The following MXRA8 variants were observed in gnomAD, a reference collection of about 807,000 sequenced individuals.
MXRA8 encodes matrix remodeling associated 8, also known as matrix remodeling-associated protein 8.
A neutral mutation model predicts 51.4 loss-of-function variants in MXRA8; 44 were observed. That is an observed-to-expected ratio of 0.86 (90% CI 0.67 to 1.10). The LOEUF (loss-of-function observed/expected upper bound fraction) is 1.10, where lower values mean the gene tolerates loss of function less well. Ranked by LOEUF, MXRA8 falls within the 50% of genes least tolerant of loss-of-function variation. The pLI, the probability that MXRA8 is intolerant of heterozygous loss-of-function variation, is 0.00. For missense variants in MXRA8, 765 were observed against 638.9 expected (o/e 1.20, Z -2.13); for synonymous variants, 369 against 293.5 (o/e 1.26, Z -2.63).
upstream of MXRA8, chr1:1,358,765 C>A (rs965371825): frequency 2.6e-5 from 33 of 1,255,264 alleles, no homozygotes; most frequent in Non-Finnish European, 3.2e-5. Context: ...GTGACCGCAC[C>A]CTTGGAGGGA....
chr1:1,361,645 G>A, upstream of MXRA8: 2 of 333,510 alleles, frequency 6.0e-6, no homozygotes, highest in Non-Finnish European at 1.2e-5. Context: ...TAGGCTCGAG[G>A]ACAAACCGTA....
chr1:1,353,877 A>AGGG lies in MXRA8; in HGVS notation c.1271_1273dup (p.Pro424dup). 6.2e-7 allele frequency: 1 copy of AGGG among 1,606,406 alleles called. No homozygotes were observed. Among genetic ancestry groups the AGGG allele is most frequent in the Non-Finnish European group, 8.5e-7 (1 of 1,176,496 alleles). On this transcript the variant is annotated inframe_insertion, in exon 9 of 10. Coordinates refer to ENST00000309212, the MANE Select transcript of MXRA8 (RefSeq NM_032348.4). ...GTCTAGGTCGATGTACTTGGCAGGC[A>AGGG]GGGGGCTGTGGGCCAGCTCCGCCCT...
upstream of MXRA8, among the ~76,000 whole-genome samples, chr1:1,361,021 T>C (rs1050304143): frequency 2.1e-5 from 3 of 141,748 alleles, no homozygotes; most frequent in South Asian, 4.4e-4. Flanking sequence ...CACAGACACA[T>C]ACACATGCAT....
rs1429524688 is a variant in MXRA8 at position 1,353,463 on chromosome 1, T to C, written c.*141A>G. 23 of 1,502,438 alleles carry C rather than the reference T, an allele frequency of 1.5e-5. No homozygotes were observed. The highest frequency in any genetic ancestry group is 1.7e-5 in the Non-Finnish European group (19 of 1,122,998). The allele number at this position is 1,502,438 out of a possible 1,614,324, so 93.1% of individuals were successfully genotyped here. A position where few individuals can be genotyped will look rare whatever the true frequency, so the allele number is the denominator to read the frequency against. On this transcript the variant is annotated 3_prime_UTR_variant, in exon 10 of 10. Transcript: ENST00000309212. ...CTGGGAGAGGGGTGTGGAGGCGGCC[T>C]CTGCATACGCCCAGGCCAAATTCCA...
rs1420259698 is a variant in MXRA8 at position 1,358,419 on chromosome 1, GCCACCCCCCAC to G, written c.49+26_49+36del. Reference sequence around the variant, plus strand: ...GAAACGGACTCGCACAGCCCCACGTGCCACCCCCCACCCGCCTCCCAGGGCCCCACACTCAC... The same window carrying G: ...GAAACGGACTCGCACAGCCCCACGTGCCGCCTCCCAGGGCCCCACACTCAC... On this transcript the variant is annotated intron_variant, in intron 1 of 9. Transcript: ENST00000309212. The G allele has an allele frequency of 3.8e-6, 6 of 1,580,902 alleles. No homozygotes were observed. In the Admixed American group the frequency reaches 5.4e-5, roughly 14 times the overall value.
intron 1 of MXRA8, among the ~76,000 whole-genome samples, chr1:1,357,759 G>A (rs746150307): frequency 6.6e-6 from 1 of 152,178 alleles, no homozygotes; most frequent in Non-Finnish European, 1.5e-5. Flanking sequence ...GCAGTGAGCC[G>A]AGATCACGCC....
chr1:1,363,019 G>A (rs1644237485), upstream of MXRA8, among the ~76,000 whole-genome samples: 1 of 151,972 alleles, frequency 6.6e-6, no homozygotes, highest in East Asian at 1.9e-4. Flanking sequence ...GGGGATGGAG[G>A]TTGCAGTCAG....
intron 2 of MXRA8, among the ~76,000 whole-genome samples, 188 bp downstream of exon 2, chr1:1,356,493 T>G (rs550835723): frequency 1.9e-5 from 1 of 51,288 alleles, no homozygotes. Context: ...CCAAGGGCCC[T>G]GGTAGGGGAA....
At chr1:1,360,822 C>G (rs1644211751), upstream of MXRA8, among the ~76,000 whole-genome samples, 1 of 152,164 alleles carries the variant, frequency 6.6e-6, no homozygotes, top group Non-Finnish European at 1.5e-5. Context: ...AGCAGCACAG[C>G]CAAGCCCATA....
chr1:1,361,272 G>T (rs1269813780), upstream of MXRA8: 2 of 703,528 alleles, frequency 2.8e-6, no homozygotes, highest in East Asian at 5.4e-5. Context: ...ATCGATGGCT[G>T]AAGAGTCCCA....
At chr1:1,358,769 G>C, upstream of MXRA8, 1 of 1,248,130 alleles carries the variant, frequency 8.0e-7, no homozygotes, top group Non-Finnish European at 1.0e-6. Context: ...CCGCACCCTT[G>C]GAGGGACAAG....
intron 4 of MXRA8, 28 bp from the exon 5 acceptor site, chr1:1,355,180 G>A: frequency 7.2e-7 from 1 of 1,390,502 alleles, no homozygotes; most frequent in Non-Finnish European, 9.3e-7. Context: ...TCAGCGGCGC[G>A]CGGGCCGGGG....
Position 1,355,151 on chromosome 1 carries a change from G to A in MXRA8, c.480C>T (p.Pro160=), listed in dbSNP as rs762520300. ...CGTCCCAGTAGGCGGGGGTGGCCGG[G>A]GCTGCGGAGGGGGCGCGGTCAGCGG... ...LAVRLEVTDG[P]PATPAYWDGE... is the part of the protein sequence containing the mutation. The change falls in exon 5 of 10, where the codon CCC becomes CCT. Residue 160 remains proline (P), a splice_region_variant and synonymous_variant. Coordinates refer to ENST00000309212, the MANE Select transcript of MXRA8 (RefSeq NM_032348.4). 7.1e-7 allele frequency: 1 copy of A among 1,403,078 alleles called. No homozygotes were observed. Among genetic ancestry groups the A allele is most frequent in the South Asian group, 1.6e-5 (1 of 61,804 alleles). The allele number at this position is 1,403,078 out of a possible 1,614,324, so 86.9% of individuals were successfully genotyped here. A position where few individuals can be genotyped will look rare whatever the true frequency, so the allele number is the denominator to read the frequency against.
intron 2 of MXRA8, 89 bp from the exon 3 acceptor site, chr1:1,355,841 T>G (rs1183420089): frequency 1.1e-3 from 161 of 149,906 alleles, no homozygotes; most frequent in East Asian, 1.6e-3. Flanking sequence ...AGGGCCCTGG[T>G]GGGGGAGGGA....
chr1:1,356,819 A>G, intron 1 of MXRA8, 115 bp from the exon 2 acceptor site: 1 of 894,576 alleles, frequency 1.1e-6, no homozygotes, highest in Non-Finnish European at 1.5e-6. Flanking sequence ...TGTGACACCC[A>G]CTTCAGTGCA....
At chr1:1,362,517 C>T (rs1046334739), upstream of MXRA8, among the ~76,000 whole-genome samples, 11 of 151,814 alleles carry the variant, frequency 7.2e-5, no homozygotes, top group East Asian at 1.9e-4. Flanking sequence ...AGATGGTTCA[C>T]GCCTGTAATC....
chr1:1,354,172 G>A (rs1644067122), intron 7 of MXRA8, 21 bp downstream of exon 7: 2 of 1,612,646 alleles, frequency 1.2e-6, no homozygotes, highest in East Asian at 2.2e-5. Context: ...TCCCCAGGAG[G>A]GCCGGGAGGG....
In MXRA8 at chr1:1,355,301, G is replaced by T; in HGVS notation, c.421C>A (p.His141Asn). Residue 141 changes from histidine to asparagine, a missense_variant, in exon 4 of 10, where the codon CAT becomes AAT. His to Asn is a moderately conservative substitution (Grantham distance 68, BLOSUM62 1). Transcript: ENST00000309212. ...CTCTCGTAGAGGTGGCAGTAGTGATGGTGCAGGTTGCAGGTGTACAGCCCC... is the reference window on the plus strand; with the variant it reads ...CTCTCGTAGAGGTGGCAGTAGTGATTGTGCAGGTTGCAGGTGTACAGCCCC... Reference protein sequence around the residue: ...DAGLYTCNLHHHYCHLYESLA... With the variant: ...DAGLYTCNLHNHYCHLYESLA... The T allele has an allele frequency of 6.3e-7, 1 of 1,580,338 alleles. No homozygotes were observed. The highest frequency in any genetic ancestry group is 8.6e-7 in the Non-Finnish European group (1 of 1,166,666).
upstream of MXRA8, among the ~76,000 whole-genome samples, chr1:1,360,202 C>T (rs571915641): frequency 1.2e-3 from 181 of 152,354 alleles, no homozygotes; most frequent in Admixed American, 5.0e-3. Context: ...TGGCCTCCAG[C>T]CACACTTTCG....
Sources: allele counts gnomAD v4.1 joint callset (sites outside exome capture counted in the v4.1 genomes callset), GRCh38; gene constraint gnomAD v4.1.1; transcripts MANE v1.5; gene names NCBI Gene and HGNC (gene_info 2026-07-23, HGNC 2026-07-21).